Variants in TMEM163 observed in about 807,000 individuals in gnomAD.
The protein encoded by TMEM163 is transmembrane protein 163.
TMEM163 carries 17 observed loss-of-function variants against 29.3 expected under a neutral mutation model. That is an observed-to-expected ratio of 0.58 (90% CI 0.40 to 0.87). The LOEUF (loss-of-function observed/expected upper bound fraction) is 0.87. Among genes scored for constraint, TMEM163 ranks in the 40% least tolerant of loss-of-function variants. The probability of loss-of-function intolerance (pLI) is 0.00; values close to 1 mark genes in which losing one functional copy is unlikely to be tolerated. For synonymous variants in TMEM163, 157 were observed against 160.6 expected (o/e 0.98, Z 0.17); for missense variants, 303 against 381.5 (o/e 0.79, Z 1.71).
chr2:134,493,907 G>A (rs1679487487), intron 5 of TMEM163, among the ~76,000 whole-genome samples: 1 of 152,088 alleles, frequency 6.6e-6, no homozygotes, highest in Non-Finnish European at 1.5e-5. Flanking sequence ...TGGCACCTCT[G>A]TCAAAAACCA....
At chr2:134,682,252 G>A (rs1351112146) in intron 2 of TMEM163, among the ~76,000 whole-genome samples, 3 of 152,178 alleles carry the variant, frequency 2.0e-5, no homozygotes. Context: ...CCCAGGTTGA[G>A]AAAGGCTGAG....
chr2:134,536,963 A>T (rs1680555922), intron 4 of TMEM163, among the ~76,000 whole-genome samples: 1 of 152,222 alleles, frequency 6.6e-6, no homozygotes. Flanking sequence ...CTTATTAATC[A>T]GGAAGGGGGT....
At chr2:134,505,950 A>C (rs968607403) in intron 4 of TMEM163, among the ~76,000 whole-genome samples, 3 of 152,116 alleles carry the variant, frequency 2.0e-5, no homozygotes, top group African/African-American at 4.8e-5. Context: ...ACATCAATGG[A>C]TTCATCCCTG....
At chr2:134,545,586 C>T (rs545948184) in intron 4 of TMEM163, among the ~76,000 whole-genome samples, 51 of 152,200 alleles carry the variant, frequency 3.4e-4, no homozygotes, top group African/African-American at 8.7e-4. Flanking sequence ...CACTCACTGA[C>T]GACTCACTGA....
intron 5 of TMEM163, among the ~76,000 whole-genome samples, chr2:134,494,838 C>A (rs747061372): frequency 1.8e-4 from 27 of 152,174 alleles, no homozygotes; most frequent in Non-Finnish European, 3.5e-4. Flanking sequence ...CTCCGGGTCC[C>A]CCAGGCACTC....
chr2:134,588,609 T>C (rs1025108496), intron 2 of TMEM163, among the ~76,000 whole-genome samples: 8 of 152,234 alleles, frequency 5.3e-5, no homozygotes, highest in Admixed American at 2.6e-4. Flanking sequence ...CAGTCTTGCA[T>C]TCACACATTT....
intron 2 of TMEM163, among the ~76,000 whole-genome samples, chr2:134,661,211 G>A (rs1394349350): frequency 6.6e-6 from 1 of 151,966 alleles, no homozygotes; most frequent in African/African-American, 2.4e-5. Flanking sequence ...GAAGGCATGT[G>A]ATGCCTTCTG....
At chr2:134,559,750 G>A (rs1681126009) in intron 2 of TMEM163, among the ~76,000 whole-genome samples, 1 of 152,140 alleles carries the variant, frequency 6.6e-6, no homozygotes, top group African/African-American at 2.4e-5. Context: ...TGGGCTTGAA[G>A]AGGTTAGAAA....
chr2:134,579,577 T>C (rs1347255360), intron 2 of TMEM163, among the ~76,000 whole-genome samples: 1 of 152,220 alleles, frequency 6.6e-6, no homozygotes, highest in African/African-American at 2.4e-5. Flanking sequence ...TCCTTTTTTT[T>C]CTTTTTCCTG....
intron 2 of TMEM163, among the ~76,000 whole-genome samples, chr2:134,704,448 T>C (rs1199899440): frequency 6.6e-6 from 1 of 152,180 alleles, no homozygotes; most frequent in Admixed American, 6.5e-5. Context: ...ATGCTTCACC[T>C]GGAAGCCATC....
At chr2:134,557,425 C>T (rs986792357) in intron 2 of TMEM163, among the ~76,000 whole-genome samples, 8 of 152,180 alleles carry the variant, frequency 5.3e-5, no homozygotes, top group Non-Finnish European at 1.0e-4. Flanking sequence ...CATGACACAG[C>T]CTCAGGAGGT....
intron 2 of TMEM163, among the ~76,000 whole-genome samples, chr2:134,636,114 C>G (rs555833725): frequency 6.6e-6 from 1 of 152,310 alleles, no homozygotes; most frequent in East Asian, 1.9e-4. Flanking sequence ...AACACGAGGA[C>G]ATGTGGACCA....
intron 2 of TMEM163, among the ~76,000 whole-genome samples, chr2:134,622,680 A>G (rs996032375): frequency 2.6e-5 from 4 of 152,222 alleles, no homozygotes; most frequent in African/African-American, 9.7e-5. Context: ...AATCCTGAGC[A>G]ACTACCAGCC....
chr2:134,482,913 G>A (rs1558918070), intron 5 of TMEM163, among the ~76,000 whole-genome samples: 1 of 152,090 alleles, frequency 6.6e-6, no homozygotes, highest in Non-Finnish European at 1.5e-5. Flanking sequence ...GCAGACTGGG[G>A]TGCCTTGGTC....
intron 2 of TMEM163, among the ~76,000 whole-genome samples, chr2:134,564,721 C>T (rs548288283): frequency 6.6e-6 from 1 of 152,254 alleles, no homozygotes; most frequent in East Asian, 1.9e-4. Flanking sequence ...AAAGATGATA[C>T]ACAAATGACC....
At chr2:134,602,324 C>T (rs1262158872) in intron 2 of TMEM163, among the ~76,000 whole-genome samples, 1 of 152,128 alleles carries the variant, frequency 6.6e-6, no homozygotes, top group Non-Finnish European at 1.5e-5. Flanking sequence ...CAGACCTGAC[C>T]ATAAACCCTC....
At chr2:134,484,517 A>T (rs190810563) in intron 5 of TMEM163, among the ~76,000 whole-genome samples, 64 of 151,964 alleles carry the variant, frequency 4.2e-4, no homozygotes, top group South Asian at 2.3e-3. Context: ...GGAAATATTT[A>T]AAAAAAATTA....
At chr2:134,529,630 G>T (rs776688874) in intron 4 of TMEM163, among the ~76,000 whole-genome samples, 3 of 151,936 alleles carry the variant, frequency 2.0e-5, no homozygotes, top group Middle Eastern at 3.4e-3. Flanking sequence ...GTACACACCT[G>T]TAGTCCCAGC....
chr2:134,566,214 T>C (rs1681297364), intron 2 of TMEM163, among the ~76,000 whole-genome samples: 2 of 152,034 alleles, frequency 1.3e-5, no homozygotes, highest in African/African-American at 4.8e-5. Flanking sequence ...CTGATAAACA[T>C]AAGGTAGCAA....
Sources: allele counts gnomAD v4.1 joint callset (sites outside exome capture counted in the v4.1 genomes callset), GRCh38; gene constraint gnomAD v4.1.1; transcripts MANE v1.5; gene names NCBI Gene and HGNC (gene_info 2026-07-23, HGNC 2026-07-21).